Variants in KCTD13 observed in about 807,000 individuals in gnomAD.
KCTD13 encodes the protein BTB/POZ domain-containing adapter for CUL3-mediated RhoA degradation protein 1.
A neutral mutation model predicts 32.3 loss-of-function variants in KCTD13; 15 were observed. That is an observed-to-expected ratio of 0.46 (90% CI 0.31 to 0.71). The LOEUF is 0.71. KCTD13 is among the 30% of genes least tolerant of loss of function. The probability of loss-of-function intolerance (pLI) is 0.05; values close to 1 mark genes in which losing one functional copy is unlikely to be tolerated. For missense variants in KCTD13, 337 were observed against 452.6 expected (o/e 0.74, Z 2.32); for synonymous variants, 189 against 200.1 (o/e 0.94, Z 0.47).
Position 29,906,553 on chromosome 16 carries a change from G to A in KCTD13, c.*319C>T. The A allele has an allele frequency of 2.0e-6, 1 of 502,780 alleles. No individual in the cohort carries two copies. The highest frequency in any genetic ancestry group is 3.9e-6 in the Non-Finnish European group (1 of 257,288). The allele number at this position is 502,780 out of a possible 1,614,324, so 31.1% of individuals were successfully genotyped here. On this transcript the variant is annotated 3_prime_UTR_variant, in exon 6 of 6. Transcript: ENST00000568000. ...ATGTCAGGAAGGGCCGCACACTTTG[G>A]CATGGACGATGCACTAAAAAAAGAG...
chr16:29,921,790 T>C (rs2068918374), intron 2 of KCTD13: 1 of 152,054 alleles, frequency 6.6e-6, no homozygotes, highest in South Asian at 2.1e-4. Flanking sequence ...ACAAACATGG[T>C]GAAACCCCGT....
rs1187085705 is a variant in KCTD13 at position 29,923,247 on chromosome 16, GCC to G, written c.355_356del (p.Gly119ArgfsTer12). ...ESTRELGELL[G>X]EARYYLVQGL... Reference sequence around the variant, plus strand: ...CCTGCACCAGGTAGTAGCGTGCTTCGCCCAGCAGCTCCCCCAGTTCTCTCGTA... The same window carrying G: ...CCTGCACCAGGTAGTAGCGTGCTTCGCAGCAGCTCCCCCAGTTCTCTCGTA... On this transcript the variant is annotated frameshift_variant, in exon 2 of 6. Coordinates refer to ENST00000568000, the MANE Select transcript of KCTD13 (RefSeq NM_178863.5). LOFTEE classifies it high-confidence loss of function. 1 of 1,614,032 alleles carries G rather than the reference GCC, an allele frequency of 6.2e-7. No individual in the cohort carries two copies.
chr16:29,911,734 G>A (rs144150902), intron 4 of KCTD13, 81 bp downstream of exon 4: 7 of 1,483,472 alleles, frequency 4.7e-6, no homozygotes, highest in East Asian at 2.3e-5. Context: ...CCCCCGTGTG[G>A]CCGTGGCCCT....
At chr16:29,921,086 AG>A (rs1180162018) in intron 2 of KCTD13, 1 of 152,250 alleles carries the variant, frequency 6.6e-6, no homozygotes, top group East Asian at 1.9e-4. Context: ...TACTTGGAGC[AG>A]CATGAATAGA....
chr16:29,924,035 A>G (rs879880813), intron 1 of KCTD13, among the ~76,000 whole-genome samples: 4 of 150,274 alleles, frequency 2.7e-5, no homozygotes, highest in Non-Finnish European at 4.4e-5. Flanking sequence ...TTAGCCGGGC[A>G]TGGTGGCGCA....
intron 5 of KCTD13, among the ~76,000 whole-genome samples, chr16:29,910,096 T>TA (rs529199170): frequency 3.7e-3 from 411 of 110,412 alleles, no homozygotes; most frequent in African/African-American, 7.0e-3. Context: ...AGACTCTGTC[T>TA]AAAAAAAAAA....
intron 1 of KCTD13, among the ~76,000 whole-genome samples, chr16:29,924,535 AAAAG>A (rs2068964830): frequency 6.6e-6 from 1 of 152,206 alleles, no homozygotes; most frequent in African/African-American, 2.4e-5. Flanking sequence ...AAAAAAAGAA[AAAAG>A]AAAGAACTTA....
chr16:29,919,181 A>C (rs2068865136), intron 2 of KCTD13, among the ~76,000 whole-genome samples: 1 of 152,216 alleles, frequency 6.6e-6, no homozygotes, highest in South Asian at 2.1e-4. Flanking sequence ...GGGAGTAAAC[A>C]ACCAGGCAAA....
chr16:29,913,525 T>G (rs1447780797), intron 2 of KCTD13: 1 of 152,244 alleles, frequency 6.6e-6, no homozygotes, highest in Admixed American at 6.5e-5. Flanking sequence ...ACAATATTTA[T>G]TACTTCTGTT....
chr16:29,924,174 C>CAAAAAAAA (rs72170823), intron 1 of KCTD13, among the ~76,000 whole-genome samples: 17 of 143,606 alleles, frequency 1.2e-4, no homozygotes, highest in African/African-American at 1.6e-4. Flanking sequence ...AACTCCATCT[C>CAAAAAAAA]AAAAAAAAAG....
chr16:29,909,223 G>C (rs2068664008), intron 5 of KCTD13, among the ~76,000 whole-genome samples: 1 of 152,150 alleles, frequency 6.6e-6, no homozygotes, highest in Non-Finnish European at 1.5e-5. Flanking sequence ...ACTGTCTTTA[G>C]CTATGAAGGG....
intron 4 of KCTD13, chr16:29,911,441 ATTT>A (rs1484247798): frequency 5.4e-6 from 3 of 557,226 alleles, no homozygotes; most frequent in South Asian, 2.4e-5. Flanking sequence ...TGGTGTCCCC[ATTT>A]TTTAACTGGG....
chr16:29,925,919 T>C lies in KCTD13; in HGVS notation c.115A>G (p.Asn39Asp). 6.2e-7 allele frequency: 1 copy of C among 1,613,956 alleles called. No individual in the cohort carries two copies. The highest frequency in any genetic ancestry group is 8.5e-7 in the Non-Finnish European group (1 of 1,179,924). The stretch of plus-strand genomic sequence containing the variant: ...ACGTTCAGCTTCACGTATTTGCTGT[T>C]CGGGGTCAGCGGCTTGAGACCGTAG... ...AAYGLKPLTP[N>D]SKYVKLNVGG... is the part of the protein sequence containing the mutation. The change falls in exon 1 of 6, where the codon AAC becomes GAC. Residue 39 changes from asparagine to aspartate, a missense_variant. Asn to Asp is a conservative substitution (Grantham distance 23, BLOSUM62 1). Around this residue, in one of 3 missense-constraint regions of KCTD13, gnomAD observed 64 missense variants for 59.6 expected, o/e 1.07. Transcript: ENST00000568000.
At position 29,906,705 on chromosome 16, in the gene KCTD13, G is replaced by T. The variant is rs879794043; in HGVS notation, c.*167C>A. The T allele has an allele frequency of 7.3e-6, 5 of 682,302 alleles. No individual in the cohort carries two copies. The highest frequency in any genetic ancestry group is 1.3e-5 in the Non-Finnish European group (5 of 376,564). 42.3% of individuals were successfully genotyped at this position (682,302 alleles called of 1,614,324 possible). ...GAATGTACCATGTTGTTAGCAATGG[G>T]GTTGGGATGGGTGGAGAAGGGCCAA... On this transcript the variant is annotated 3_prime_UTR_variant, in exon 6 of 6. Transcript: ENST00000568000.
At position 29,925,792 on chromosome 16, in the gene KCTD13, C is replaced by A; in HGVS notation, c.242G>T (p.Gly81Val). Residue 81 changes from glycine (G) to valine (V), a missense_variant and splice_region_variant, in exon 1 of 6, where the codon GGA becomes GTA. By Grantham distance (109) the Gly-to-Val change is moderately radical. Coordinates refer to ENST00000568000, the MANE Select transcript of KCTD13 (RefSeq NM_178863.5). ...CACGGTAGGGGCGCCGCTCGTACCT[C>A]CGGCATCGGTCAGCACCTCCACGCG... ...SGRVEVLTDA[G>V]GWVLIDRSGR... The A allele has an allele frequency of 1.2e-6, 2 of 1,613,450 alleles. No individual in the cohort carries two copies. Among genetic ancestry groups the A allele is most frequent in the Non-Finnish European group, 1.7e-6 (2 of 1,179,860 alleles).
At chr16:29,925,506 G>A (rs1597034148) in intron 1 of KCTD13, 2 of 503,236 alleles carry the variant, frequency 4.0e-6, no homozygotes, top group Non-Finnish European at 7.2e-6. Context: ...AGGTGGTCAT[G>A]AGGATTATGA....
At position 29,926,189 on chromosome 16, in the gene KCTD13, T is replaced by C. The variant is rs555950489; in HGVS notation, c.-156A>G. On this transcript the variant is annotated 5_prime_UTR_variant, in exon 1 of 6. The change abolishes an upstream ATG in the 5' untranslated region. Transcript: ENST00000568000. ...TCTGCAAGACCGGCCCTCCGCCCCATCTCGCTCGCACCACCCGGAAGCCGG... is the reference window on the plus strand; with the variant it reads ...TCTGCAAGACCGGCCCTCCGCCCCACCTCGCTCGCACCACCCGGAAGCCGG... The C allele has an allele frequency of 5.7e-6, 5 of 875,248 alleles. No homozygotes were observed. The highest frequency in any genetic ancestry group is 7.9e-6 in the Non-Finnish European group (5 of 629,912). The allele number at this position is 875,248 out of a possible 1,614,324, so 54.2% of individuals were successfully genotyped here.
At chr16:29,918,612 A>G (rs554797449) in intron 2 of KCTD13, among the ~76,000 whole-genome samples, 138 of 151,586 alleles carry the variant, frequency 9.1e-4, no homozygotes, top group Non-Finnish European at 1.7e-3. Context: ...CTGGGACTAC[A>G]GGCACCCACC....
At chr16:29,917,693 C>T (rs569304609) in intron 2 of KCTD13, among the ~76,000 whole-genome samples, 2 of 152,106 alleles carry the variant, frequency 1.3e-5, no homozygotes, top group South Asian at 2.1e-4. Flanking sequence ...GCAGGAGAAT[C>T]GCTTGAACCC....
Sources: gnomAD v4.1 joint callset for allele counts (sites outside exome capture counted in the v4.1 genomes callset) on GRCh38, gnomAD v4.1.1 for gene constraint, gnomAD v4.1.1 regional missense constraint, MANE v1.5 for transcripts, NCBI Gene and HGNC (gene_info 2026-07-23, HGNC 2026-07-21) for gene names.